The following TMEM245 variants were observed in gnomAD, a reference collection of about 807,000 sequenced individuals.
TMEM245 encodes the protein protein CG-2.
TMEM245 carries 69 observed loss-of-function variants against 101.2 expected under a neutral mutation model. The observed-to-expected ratio is 0.68, with a 90% confidence interval of 0.56 to 0.83. The LOEUF (loss-of-function observed/expected upper bound fraction) is 0.83. Ranked by LOEUF, TMEM245 falls within the 40% of genes least tolerant of loss-of-function variation. TMEM245 has a pLI of 0.00. For synonymous variants in TMEM245, 537 were observed against 449.8 expected, an observed-to-expected ratio of 1.19 and a Z score of -2.45; for missense variants, 1,075 against 1,092.8, an observed-to-expected ratio of 0.98 and a Z score of 0.23.
chr9:109,058,502 C>T (rs188428963), intron 11 of TMEM245, among the ~76,000 whole-genome samples: 73 of 152,146 alleles, frequency 4.8e-4, no homozygotes, highest in African/African-American at 1.6e-3. Context: ...GAGGCTGAGG[C>T]GAGAGGATCA....
intron 1 of TMEM245, among the ~76,000 whole-genome samples, chr9:109,116,251 C>T (rs751944958): frequency 6.6e-6 from 1 of 152,246 alleles, no homozygotes; most frequent in Non-Finnish European, 1.5e-5. Flanking sequence ...TGTTCTATAA[C>T]CAGACAGCCC....
intron 1 of TMEM245, among the ~76,000 whole-genome samples, chr9:109,115,148 A>C (rs7036045): frequency 0.13 from 20,393 of 152,104 alleles, 1,611 homozygotes; most frequent in African/African-American, 0.19. Flanking sequence ...GGAGTTCAAG[A>C]CCAGCCTGGC....
At position 109,119,945 on chromosome 9, in the gene TMEM245, G is replaced by A. The variant is rs532713647; in HGVS notation, c.-32C>T. 2.3e-6 allele frequency: 3 copies of A among 1,291,438 alleles called. No homozygotes were observed. The highest frequency in any genetic ancestry group is 2.9e-6 in the Non-Finnish European group (3 of 1,022,722). 80.0% of individuals were successfully genotyped at this position (1,291,438 alleles called of 1,614,324 possible). Reference sequence around the variant, plus strand: ...TCCGCCACAGCCGCCCCCGAGGGGCGGTAATGGGAGTCGGGCTAGAAACGC... The same window carrying A: ...TCCGCCACAGCCGCCCCCGAGGGGCAGTAATGGGAGTCGGGCTAGAAACGC... On this transcript the variant is annotated 5_prime_UTR_variant, in exon 1 of 18. Coordinates refer to ENST00000374586, the MANE Select transcript of TMEM245 (RefSeq NM_032012.4).
At chr9:109,057,924 T>A (rs1249705055) in intron 11 of TMEM245, among the ~76,000 whole-genome samples, 2 of 127,502 alleles carry the variant, frequency 1.6e-5, no homozygotes, top group Non-Finnish European at 3.4e-5. Context: ...GCATTTACTT[T>A]CTTTTTTTTT....
intron 4 of TMEM245, 59 bp downstream of exon 4, chr9:109,093,416 C>G: frequency 4.2e-6 from 6 of 1,429,326 alleles, no homozygotes; most frequent in Non-Finnish European, 5.8e-6. Context: ...CTGAATTTTA[C>G]TTTCTATGTA....
chr9:109,068,624 G>T (rs975513112), intron 9 of TMEM245, among the ~76,000 whole-genome samples: 5 of 152,144 alleles, frequency 3.3e-5, no homozygotes, highest in Admixed American at 2.6e-4. Flanking sequence ...GGGTTAGAGT[G>T]AGACTCTGTG....
At chr9:109,083,893 T>C (rs1288086568) in intron 7 of TMEM245, among the ~76,000 whole-genome samples, 7 of 7,868 alleles carry the variant, frequency 8.9e-4, no homozygotes, top group Admixed American at 2.1e-3. Flanking sequence ...CCATCTCTAC[T>C]AAAAATACAA....
intron 7 of TMEM245, among the ~76,000 whole-genome samples, chr9:109,084,867 T>C (rs1444454125): frequency 6.6e-6 from 1 of 152,140 alleles, no homozygotes; most frequent in Non-Finnish European, 1.5e-5. Flanking sequence ...CAATGCTTCC[T>C]TTCAACTCAA....
chr9:109,092,289 ATAC>A (rs1830029201), intron 4 of TMEM245, among the ~76,000 whole-genome samples: 1 of 150,918 alleles, frequency 6.6e-6, no homozygotes, highest in African/African-American at 2.4e-5. Context: ...ATAAGCAATC[ATAC>A]AGTAGCCCAC....
At chr9:109,073,321 T>C (rs755835845) in intron 9 of TMEM245, 35 bp downstream of exon 9, 8 of 1,503,152 alleles carry the variant, frequency 5.3e-6, no homozygotes, top group Non-Finnish European at 7.4e-6. Context: ...AACTAGGCCA[T>C]TCATCTCTCT....
At chr9:109,086,905 CA>C (rs1829855732) in intron 6 of TMEM245, among the ~76,000 whole-genome samples, 2 of 152,328 alleles carry the variant, frequency 1.3e-5, no homozygotes, top group African/African-American at 4.8e-5. Flanking sequence ...CTCTGGATTT[CA>C]ATTTGGTCCT....
chr9:109,020,621 A>G (rs894269794), intron 17 of TMEM245, 116 bp from the exon 18 acceptor site: 1 of 906,792 alleles, frequency 1.1e-6, no homozygotes, highest in African/African-American at 1.7e-5. Context: ...TAAGATTTTC[A>G]TTGAGTATTG....
rs1829646737 is a variant in TMEM245, at chr9:109,080,863, A to G, written c.1425T>C (p.Leu475=). 10 of 1,604,518 alleles carry G rather than the reference A, an allele frequency of 6.2e-6. No individual in the cohort carries two copies. The highest frequency in any genetic ancestry group is 8.5e-6 in the Non-Finnish European group (10 of 1,172,042). The change falls in exon 8 of 18, where the codon CTT becomes CTC. Residue 475 remains leucine (L), a synonymous_variant. Coordinates refer to ENST00000374586, the MANE Select transcript of TMEM245 (RefSeq NM_032012.4). ...CCTTTGCAGTCAGGAGTAGGGCTAA[A>G]AGAAGAGTTCCTATCACTAACAAAA... ...IIFLLVIGTL[L]LALLLTAKVH...
At chr9:109,083,284 C>A (rs1170646707) in intron 7 of TMEM245, among the ~76,000 whole-genome samples, 5 of 152,132 alleles carry the variant, frequency 3.3e-5, no homozygotes, top group Non-Finnish European at 7.4e-5. Context: ...GGAAGAGAAA[C>A]ATAAAGAGAG....
At chr9:109,116,148 G>A (rs1015443260) in intron 1 of TMEM245, among the ~76,000 whole-genome samples, 1 of 152,156 alleles carries the variant, frequency 6.6e-6, no homozygotes, top group African/African-American at 2.4e-5. Flanking sequence ...ACAGGGATTC[G>A]CTTAAAGGTA....
chr9:109,068,125 T>C (rs774363731), intron 9 of TMEM245, among the ~76,000 whole-genome samples: 6 of 152,106 alleles, frequency 3.9e-5, no homozygotes, highest in Non-Finnish European at 8.8e-5. Context: ...CCCAGCACTT[T>C]GGTAGGCCGA....
chr9:109,059,036 T>C (rs902039237), intron 11 of TMEM245, among the ~76,000 whole-genome samples: 1 of 152,166 alleles, frequency 6.6e-6, no homozygotes, highest in Non-Finnish European at 1.5e-5. Context: ...CCTATGCTTA[T>C]GAAACACTGA....
rs542553260 is a variant in TMEM245, at chr9:109,031,493, G to A, written c.2594+1814C>T. Among the ~76,000 whole-genome samples, 56 of 152,240 alleles carry A rather than the reference G, an allele frequency of 3.7e-4. No individual in the cohort carries two copies. In the South Asian group the frequency reaches 0.011, roughly 31 times the overall value. ...ATGAATCACACAGATACACTGTTGAGCAATGAGGACTGACTCAAGAGTACC... is the reference window on the plus strand; with the variant it reads ...ATGAATCACACAGATACACTGTTGAACAATGAGGACTGACTCAAGAGTACC... On this transcript the variant is annotated intron_variant, in intron 17 of 17. Coordinates refer to ENST00000374586, the MANE Select transcript of TMEM245 (RefSeq NM_032012.4).
chr9:109,029,701 G>A (rs1827892073), intron 17 of TMEM245, among the ~76,000 whole-genome samples: 1 of 152,180 alleles, frequency 6.6e-6, no homozygotes, highest in Admixed American at 6.5e-5. Flanking sequence ...GGATTCCAAT[G>A]CAAGGGAGAG....
Sources: gnomAD v4.1 joint callset for allele counts (sites outside exome capture counted in the v4.1 genomes callset) on GRCh38, gnomAD v4.1.1 for gene constraint, MANE v1.5 for transcripts, NCBI Gene and HGNC (gene_info 2026-07-23, HGNC 2026-07-21) for gene names.